The following LUZP2 variants were observed in gnomAD, a reference collection of about 807,000 sequenced individuals.
LUZP2 encodes leucine zipper protein 2.
LUZP2 carries 52 observed loss-of-function variants against 51.6 expected under a neutral mutation model. The observed-to-expected ratio is 1.01, with a 90% confidence interval of 0.81 to 1.27. LUZP2 has a LOEUF of 1.27. LUZP2 is among the 50% of genes most tolerant of loss of function. The pLI is 0.00. For missense variants in LUZP2, 436 were observed against 395.4 expected (o/e 1.10, Z -0.87); for synonymous variants, 154 against 137.3 (o/e 1.12, Z -0.85).
intron 1 of LUZP2, among the ~76,000 whole-genome samples, chr11:24,620,766 C>T (rs1854467534): frequency 6.6e-6 from 1 of 152,192 alleles, no homozygotes; most frequent in African/African-American, 2.4e-5. Flanking sequence ...CACACACATA[C>T]ACTCACAGTG....
At chr11:24,660,259 C>T (rs1321050918) in intron 1 of LUZP2, among the ~76,000 whole-genome samples, 1 of 151,964 alleles carries the variant, frequency 6.6e-6, no homozygotes, top group Admixed American at 6.6e-5. Flanking sequence ...AGTTTTAAAC[C>T]AATAAGTTTG....
chr11:24,652,759 A>C (rs1855668390), intron 1 of LUZP2, among the ~76,000 whole-genome samples: 1 of 152,126 alleles, frequency 6.6e-6, no homozygotes, highest in Admixed American at 6.6e-5. Context: ...CTATATAATA[A>C]ATCGTAGTAA....
At chr11:25,045,340 A>G (rs1478425527) in intron 9 of LUZP2, among the ~76,000 whole-genome samples, 1 of 152,012 alleles carries the variant, frequency 6.6e-6, no homozygotes, top group African/African-American at 2.4e-5. Flanking sequence ...AGATGAGCAC[A>G]AGGACAGCCT....
chr11:24,608,836 A>G (rs1199618785), intron 1 of LUZP2, among the ~76,000 whole-genome samples: 2 of 152,184 alleles, frequency 1.3e-5, no homozygotes, highest in Admixed American at 1.3e-4. Context: ...AATAGCAAAA[A>G]TTTTGAGGAG....
chr11:24,798,136 A>G (rs1296962042), intron 5 of LUZP2, among the ~76,000 whole-genome samples: 3 of 151,642 alleles, frequency 2.0e-5, no homozygotes, highest in Non-Finnish European at 4.4e-5. Context: ...TTGCTTGCTT[A>G]TTTATTTATT....
chr11:24,961,828 G>A (rs1373905854), intron 7 of LUZP2, among the ~76,000 whole-genome samples: 1 of 149,118 alleles, frequency 6.7e-6, no homozygotes, highest in Non-Finnish European at 1.5e-5. Flanking sequence ...AGTTGATGCA[G>A]TTTCTTCCTA....
intron 1 of LUZP2, among the ~76,000 whole-genome samples, chr11:24,513,552 A>C (rs1850375826): frequency 6.6e-6 from 1 of 152,178 alleles, no homozygotes; most frequent in Non-Finnish European, 1.5e-5. Flanking sequence ...AAATAATTAG[A>C]AGGGTAAATA....
At chr11:24,898,484 C>T (rs1045663068) in intron 5 of LUZP2, among the ~76,000 whole-genome samples, 16 of 152,096 alleles carry the variant, frequency 1.1e-4, no homozygotes, top group Non-Finnish European at 1.9e-4. Context: ...ATTAGCTGGG[C>T]GTGGTGGTGG....
rs142979470 is a variant in LUZP2, at chr11:24,651,916, T to A, written c.63-77253T>A. Among the ~76,000 whole-genome samples, 75 of 152,256 alleles carry A rather than the reference T, an allele frequency of 4.9e-4. 1 individual carries two copies. Among genetic ancestry groups the A allele is most frequent in the Admixed American group, 4.1e-3 (63 of 15,278 alleles). ...TACAGTCTACCTTGTGAATTTTGGATGTGCAAAGCCTTTGCAATTCCCTCG... is the reference window on the plus strand; with the variant it reads ...TACAGTCTACCTTGTGAATTTTGGAAGTGCAAAGCCTTTGCAATTCCCTCG... On this transcript the variant is annotated intron_variant, in intron 1 of 11. Coordinates refer to ENST00000336930, the MANE Select transcript of LUZP2 (RefSeq NM_001009909.4).
At chr11:24,837,295 C>T (rs1352254361) in intron 5 of LUZP2, among the ~76,000 whole-genome samples, 1 of 151,618 alleles carries the variant, frequency 6.6e-6, no homozygotes, top group African/African-American at 2.4e-5. Flanking sequence ...AAACAGATTT[C>T]AAGGCTTATT....
rs150139896 is a variant in LUZP2 at position 24,995,034 on chromosome 11, T to G, written c.765+11741T>G. Among the ~76,000 whole-genome samples the G allele has an allele frequency of 3.1e-3, 475 of 152,364 alleles. 4 individuals carry two copies. The highest frequency in any genetic ancestry group is 0.011 in the African/African-American group (458 of 41,590). On this transcript the variant is annotated intron_variant, in intron 9 of 11. Transcript: ENST00000336930. ...GTTTTATTTTCATTTTTCATTGTCA[T>G]ACATTTCAATTGTATAACTGTTATA...
intron 5 of LUZP2, among the ~76,000 whole-genome samples, chr11:24,818,378 G>A (rs1328724498): frequency 6.6e-6 from 1 of 151,990 alleles, no homozygotes; most frequent in Non-Finnish European, 1.5e-5. Context: ...CTGTACCATA[G>A]CTAACAAATG....
intron 7 of LUZP2, among the ~76,000 whole-genome samples, chr11:24,925,048 T>G (rs1274932962): frequency 6.6e-6 from 1 of 152,182 alleles, no homozygotes; most frequent in Non-Finnish European, 1.5e-5. Flanking sequence ...TTACAGAATA[T>G]AGATTTTTTC....
chr11:24,831,439 T>C (rs1196904349), intron 5 of LUZP2, among the ~76,000 whole-genome samples: 1 of 152,168 alleles, frequency 6.6e-6, no homozygotes, highest in Non-Finnish European at 1.5e-5. Flanking sequence ...AAGCTCTCTT[T>C]AGAAAAACAG....
chr11:24,844,106 T>A (rs1169489006), intron 5 of LUZP2, among the ~76,000 whole-genome samples: 1 of 152,174 alleles, frequency 6.6e-6, no homozygotes, highest in Admixed American at 6.5e-5. Flanking sequence ...TGGAACAGTT[T>A]GGAGGGCTCA....
chr11:24,964,960 C>T (rs747016479), intron 7 of LUZP2, among the ~76,000 whole-genome samples: 4 of 151,528 alleles, frequency 2.6e-5, no homozygotes, highest in Non-Finnish European at 5.9e-5. Context: ...AAGTTTCAGA[C>T]ATTTTCAGAA....
chr11:24,837,495 T>G (rs2716505), intron 5 of LUZP2, among the ~76,000 whole-genome samples: 23,752 of 151,698 alleles, frequency 0.16, 2,059 homozygotes, highest in African/African-American at 0.22. Context: ...AGACAGTGTT[T>G]ATGGCTATAG....
intron 5 of LUZP2, among the ~76,000 whole-genome samples, chr11:24,855,137 C>T (rs1380501139): frequency 6.6e-6 from 1 of 152,114 alleles, no homozygotes; most frequent in East Asian, 1.9e-4. Flanking sequence ...CCAGAGCAAT[C>T]AGACAAGAGA....
intron 1 of LUZP2, among the ~76,000 whole-genome samples, chr11:24,532,318 C>A (rs1851031410): frequency 6.6e-6 from 1 of 150,578 alleles, no homozygotes; most frequent in Non-Finnish European, 1.5e-5. Context: ...TATTTAAGTT[C>A]TTTGAGAAAT....
Sources: allele counts gnomAD v4.1 joint callset (sites outside exome capture counted in the v4.1 genomes callset), GRCh38; gene constraint gnomAD v4.1.1; transcripts MANE v1.5; gene names NCBI Gene and HGNC (gene_info 2026-07-23, HGNC 2026-07-21).